Variants in CAAP1 observed in about 807,000 individuals in gnomAD.
CAAP1 encodes the protein caspase activity and apoptosis inhibitor 1, also known as conserved anti-apoptotic protein.
In CAAP1, 20 loss-of-function variants were observed where a neutral mutation model predicts 34.0. The observed-to-expected ratio is 0.59, with a 90% CI of 0.41 to 0.86. CAAP1 has a LOEUF of 0.86. CAAP1 is among the 40% of genes least tolerant of loss of function. The probability of loss-of-function intolerance (pLI) is 0.00; values close to 1 mark genes in which losing one functional copy is unlikely to be tolerated. For missense variants in CAAP1, 538 were observed against 450.5 expected (o/e 1.19, Z -1.76); for synonymous variants, 213 against 166.7 (o/e 1.28, Z -2.14).
chr9:26,860,628 T>C (rs1207401354), intron 5 of CAAP1, among the ~76,000 whole-genome samples: 1 of 152,018 alleles, frequency 6.6e-6, no homozygotes, highest in Non-Finnish European at 1.5e-5. Flanking sequence ...CTGTCTCTAC[T>C]AAAAATACAA....
intron 4 of CAAP1, among the ~76,000 whole-genome samples, chr9:26,869,501 A>T (rs1228445207): frequency 6.6e-6 from 1 of 152,170 alleles, no homozygotes; most frequent in Non-Finnish European, 1.5e-5. Flanking sequence ...AAAATGAAAA[A>T]ATCTGAATGT....
chr9:26,842,164 G>A lies in CAAP1; in HGVS notation c.*137C>T, dbSNP rs1822496335. The A allele has an allele frequency of 4.9e-6, 3 of 616,804 alleles. No individual in the cohort carries two copies. The highest frequency in any genetic ancestry group is 8.1e-6 in the Non-Finnish European group (3 of 368,528). The allele number at this position is 616,804 out of a possible 1,614,324, so 38.2% of individuals were successfully genotyped here. On this transcript the variant is annotated 3_prime_UTR_variant, in exon 6 of 6. Coordinates refer to ENST00000333916, the MANE Select transcript of CAAP1 (RefSeq NM_024828.4). Reference sequence around the variant, plus strand: ...AAAAAATAAAAAGAAACAGCCACAGGTAATTTAGGGCTAAAATGAGTCCTA... The same window carrying A: ...AAAAAATAAAAAGAAACAGCCACAGATAATTTAGGGCTAAAATGAGTCCTA...
intron 4 of CAAP1, among the ~76,000 whole-genome samples, chr9:26,874,986 TTAATG>T (rs1424682005): frequency 1.3e-5 from 2 of 152,170 alleles, no homozygotes; most frequent in African/African-American, 2.4e-5. Flanking sequence ...CTTAAAATAT[TTAATG>T]TAAGAAAACT....
intron 4 of CAAP1, chr9:26,880,074 C>T (rs117722808): frequency 0.04 from 7,229 of 178,938 alleles, 234 homozygotes; most frequent in South Asian, 0.091. Flanking sequence ...CTCAAAACTA[C>T]CAATAATAGG....
At chr9:26,844,357 CA>C (rs199937458) in intron 5 of CAAP1, among the ~76,000 whole-genome samples, 5 of 145,696 alleles carry the variant, frequency 3.4e-5, no homozygotes, top group Middle Eastern at 3.5e-3. Flanking sequence ...AACTCCGTCT[CA>C]AAAAAAAAAG....
intron 4 of CAAP1, among the ~76,000 whole-genome samples, chr9:26,872,084 T>G (rs1823290994): frequency 6.6e-6 from 1 of 152,122 alleles, no homozygotes; most frequent in Non-Finnish European, 1.5e-5. Flanking sequence ...ACTGCTAGGG[T>G]TCAGCAATAT....
intron 4 of CAAP1, among the ~76,000 whole-genome samples, chr9:26,863,374 AT>A (rs1488345523): frequency 6.6e-6 from 1 of 152,202 alleles, no homozygotes; most frequent in Non-Finnish European, 1.5e-5. Flanking sequence ...TAGTTTGAAA[AT>A]TTAAAATCTA....
At chr9:26,849,784 A>G (rs537016164) in intron 5 of CAAP1, among the ~76,000 whole-genome samples, 1 of 152,198 alleles carries the variant, frequency 6.6e-6, no homozygotes, top group Admixed American at 6.5e-5. Flanking sequence ...GTTCATAAAC[A>G]GATTTTTGAC....
Position 26,871,480 on chromosome 9 carries a change from G to C in CAAP1, c.666-10341C>G, listed in dbSNP as rs142062055. 9.6e-3 allele frequency among the ~76,000 whole-genome samples: 1,455 copies of C among 151,904 alleles called. 25 individuals are homozygous for C. The highest frequency in any genetic ancestry group is 0.033 in the African/African-American group (1,383 of 41,380). On this transcript the variant is annotated intron_variant, in intron 4 of 5. Transcript: ENST00000333916. ...TAATCCCAGCTACTCAGGAGGCTGA[G>C]GCAGGATAATCACTTGAACGTGCTA... is the stretch of plus-strand genomic sequence containing the variant.
chr9:26,861,162 A>T (rs1382677807), intron 4 of CAAP1, 23 bp from the exon 5 acceptor site: 1 of 1,515,084 alleles, frequency 6.6e-7, no homozygotes, highest in Admixed American at 1.7e-5. Flanking sequence ...AATAAGATCA[A>T]CCTTTAAAAC....
In CAAP1 at chr9:26,890,566, C is replaced by G. The variant is rs142471277; in HGVS notation, c.303+1847G>C. On this transcript the variant is annotated intron_variant, in intron 1 of 5. Coordinates refer to ENST00000333916, the MANE Select transcript of CAAP1 (RefSeq NM_024828.4). ...ATTTGAGAAGAAAATATAAACCATT[C>G]TAGAACACACCAAAAAAACACAAAG... 2.6e-5 allele frequency among the ~76,000 whole-genome samples: 4 copies of G among 152,148 alleles called. No individual in the cohort carries two copies. The South Asian group carries it at 6.2e-4, about 24-fold the overall frequency.
rs1394785611 is a variant in CAAP1, at chr9:26,858,284, GA to G, written c.739+2781del. 3.3e-5 allele frequency among the ~76,000 whole-genome samples: 5 copies of G among 152,292 alleles called. No homozygotes were observed. In the South Asian group the frequency reaches 8.3e-4, roughly 25 times the overall value. On this transcript the variant is annotated intron_variant, in intron 5 of 5. Coordinates refer to ENST00000333916, the MANE Select transcript of CAAP1 (RefSeq NM_024828.4). ...CAAATAGACAATATTAGTGCACTTA[GA>G]AAACAGGGAATAATCTTTATTGAGC...
intron 5 of CAAP1, among the ~76,000 whole-genome samples, chr9:26,855,817 C>T (rs993545342): frequency 2.0e-5 from 3 of 151,962 alleles, no homozygotes; most frequent in African/African-American, 4.8e-5. Flanking sequence ...TGGGTAAGAG[C>T]GTAATGACTA....
chr9:26,873,863 C>T (rs1372077528), intron 4 of CAAP1, among the ~76,000 whole-genome samples: 2 of 151,982 alleles, frequency 1.3e-5, no homozygotes, highest in Non-Finnish European at 2.9e-5. Flanking sequence ...ATTTTCTTTT[C>T]CCTAAGGTGA....
intron 4 of CAAP1, among the ~76,000 whole-genome samples, chr9:26,875,506 CA>C (rs2131328322): frequency 6.6e-6 from 1 of 152,308 alleles, no homozygotes; most frequent in Admixed American, 6.5e-5. Context: ...TTTAATAACA[CA>C]GATTGCTTTA....
At chr9:26,869,303 C>A (rs1270293434) in intron 4 of CAAP1, among the ~76,000 whole-genome samples, 4 of 151,992 alleles carry the variant, frequency 2.6e-5, no homozygotes, top group Non-Finnish European at 5.9e-5. Context: ...CCACAGGAAA[C>A]ACTTTTTTAA....
At chr9:26,849,100 A>G (rs986599159) in intron 5 of CAAP1, among the ~76,000 whole-genome samples, 4 of 152,244 alleles carry the variant, frequency 2.6e-5, no homozygotes, top group African/African-American at 9.6e-5. Flanking sequence ...GGAAAACAAG[A>G]GAAATAGTGA....
At position 26,860,964 on chromosome 9, in the gene CAAP1, A is replaced by G. The variant is rs550116453; in HGVS notation, c.739+102T>C. The G allele has an allele frequency of 2.5e-5, 20 of 805,368 alleles. No individual in the cohort carries two copies. In the African/African-American group the frequency reaches 2.9e-4, roughly 12 times the overall value. 49.9% of individuals were successfully genotyped at this position (805,368 alleles called of 1,614,324 possible). On this transcript the variant is annotated intron_variant, in intron 5 of 5. Transcript: ENST00000333916. The stretch of plus-strand genomic sequence containing the variant: ...ACCAAATAAATTGCTCTCTTCCTCT[A>G]TCTGTAAAATGGGGTGAGTTAGACA...
At chr9:26,882,510 G>A (rs1563892387) in intron 4 of CAAP1, among the ~76,000 whole-genome samples, 2 of 152,194 alleles carry the variant, frequency 1.3e-5, no homozygotes, top group Admixed American at 1.3e-4. Flanking sequence ...AGGATGTATG[G>A]AAACACCTAC....
Sources: allele counts gnomAD v4.1 joint callset (sites outside exome capture counted in the v4.1 genomes callset), GRCh38; gene constraint gnomAD v4.1.1; transcripts MANE v1.5; gene names NCBI Gene and HGNC (gene_info 2026-07-23, HGNC 2026-07-21).